RERE: variants seen among roughly 807,000 people sequenced by gnomAD.
RERE encodes arginine-glutamic acid dipeptide repeats protein.
RERE carries 40 observed loss-of-function variants against 146.1 expected under a neutral mutation model. The observed-to-expected ratio is 0.27, with a 90% CI of 0.21 to 0.36. The LOEUF (loss-of-function observed/expected upper bound fraction) is 0.36. Ranked by LOEUF, RERE falls within the 10% of genes least tolerant of loss-of-function variation. The pLI is 1.00. For missense variants in RERE, 1,933 were observed against 2,138.7 expected, an observed-to-expected ratio of 0.90 and a Z score of 1.90; for synonymous variants, 1,003 against 866.0, an observed-to-expected ratio of 1.16 and a Z score of -2.78.
At chr1:8,606,601 G>C (rs968660160) in intron 4 of RERE, among the ~76,000 whole-genome samples, 3 of 152,056 alleles carry the variant, frequency 2.0e-5, no homozygotes, top group East Asian at 1.9e-4. Flanking sequence ...AATGTCAATG[G>C]GATGAGGAGG....
intron 7 of RERE, among the ~76,000 whole-genome samples, chr1:8,526,341 C>T (rs1377950733): frequency 6.7e-6 from 1 of 148,752 alleles, no homozygotes; most frequent in African/African-American, 2.5e-5. Context: ...AAAGCAAGAT[C>T]ACCAAGAAAT....
intron 1 of RERE, among the ~76,000 whole-genome samples, chr1:8,776,061 TTA>T (rs1391504675): frequency 6.6e-6 from 1 of 152,206 alleles, no homozygotes; most frequent in Admixed American, 6.5e-5. Context: ...TGGTTAATAA[TTA>T]GTTTCATTAT....
intron 2 of RERE, among the ~76,000 whole-genome samples, chr1:8,636,083 G>C (rs1342316825): frequency 1.3e-5 from 2 of 152,168 alleles, no homozygotes; most frequent in East Asian, 3.9e-4. Flanking sequence ...CCGCCTCCCA[G>C]GTTCAAGTGA....
chr1:8,509,440 CCG>C (rs1438653447), intron 7 of RERE, among the ~76,000 whole-genome samples: 1 of 146,228 alleles, frequency 6.8e-6, no homozygotes, highest in Non-Finnish European at 1.5e-5. Flanking sequence ...ATCCATCCGT[CCG>C]TCCGTCCGTC....
intron 1 of RERE, among the ~76,000 whole-genome samples, chr1:8,781,073 C>A (rs921930321): frequency 2.0e-5 from 3 of 151,096 alleles, no homozygotes; most frequent in Non-Finnish European, 3.0e-5. Context: ...AAAAAAAATT[C>A]TCGGCCAGGC....
intron 11 of RERE, among the ~76,000 whole-genome samples, chr1:8,453,670 G>C (rs557432002): frequency 3.9e-4 from 59 of 152,218 alleles, no homozygotes; most frequent in African/African-American, 1.1e-3. Flanking sequence ...GCCGGGTGTG[G>C]TGACACACAC....
intron 1 of RERE, chr1:8,750,348 C>G: frequency 1.6e-6 from 1 of 612,578 alleles, no homozygotes; most frequent in South Asian, 1.9e-5. Flanking sequence ...ATGTAGAAAC[C>G]ATTCTGCCTC....
At chr1:8,701,186 A>G (rs1196698738) in intron 1 of RERE, among the ~76,000 whole-genome samples, 1 of 152,096 alleles carries the variant, frequency 6.6e-6, no homozygotes, top group Non-Finnish European at 1.5e-5. Context: ...CCTTACTGAT[A>G]CGTTGATGGG....
rs567320981 is a variant in RERE, at chr1:8,530,050, C to CCAT, written c.830+11161_830+11163dup. 2.4e-3 allele frequency among the ~76,000 whole-genome samples: 362 copies of CCAT among 152,240 alleles called. 2 individuals are homozygous for CCAT. The highest frequency in any genetic ancestry group is 8.3e-3 in the African/African-American group (345 of 41,524). ...CACTCCTGCCACCACATTTTCTAGC[C>CCAT]CATCGTTTGCCAGCCTGCAGGGATG... On this transcript the variant is annotated intron_variant, in intron 7 of 22. Coordinates refer to ENST00000400908, the MANE Select transcript of RERE (RefSeq NM_001042681.2).
intron 1 of RERE, among the ~76,000 whole-genome samples, chr1:8,767,823 A>C (rs888207680): frequency 1.3e-5 from 2 of 151,588 alleles, no homozygotes; most frequent in Non-Finnish European, 2.9e-5. Flanking sequence ...AAAATTAGCC[A>C]GGCATGGTGG....
At chr1:8,610,278 T>C (rs1292298325) in intron 4 of RERE, among the ~76,000 whole-genome samples, 10 of 152,226 alleles carry the variant, frequency 6.6e-5, no homozygotes, top group African/African-American at 2.4e-4. Flanking sequence ...AGAGACTTTA[T>C]GGATTTCAGA....
intron 8 of RERE, among the ~76,000 whole-genome samples, chr1:8,504,620 A>G (rs1645225991): frequency 1.3e-5 from 2 of 152,128 alleles, no homozygotes; most frequent in African/African-American, 4.8e-5. Context: ...TTGGGAGGCC[A>G]AGGCGGGTGT....
intron 12 of RERE, among the ~76,000 whole-genome samples, chr1:8,372,507 C>CGTGTGT (rs6143111): frequency 0.028 from 3,634 of 131,766 alleles, 85 homozygotes; most frequent in African/African-American, 0.049. Context: ...ACCATCAGGT[C>CGTGTGT]GTGTGTGTGT....
chr1:8,501,033 G>C (rs1207971215), intron 8 of RERE, among the ~76,000 whole-genome samples: 10 of 118,138 alleles, frequency 8.5e-5, no homozygotes, highest in South Asian at 2.6e-4. Flanking sequence ...CGTCCGGGAG[G>C]GGGGGGGGGG....
chr1:8,764,741 A>C lies in RERE; in HGVS notation c.-145+52419T>G, dbSNP rs555368942. Among the ~76,000 whole-genome samples, 3 of 152,348 alleles carry C rather than the reference A, an allele frequency of 2.0e-5. No individual in the cohort carries two copies. The East Asian group carries it at 5.8e-4, about 29-fold the overall frequency. ...AAAGGCTCCAAAAAAGCAAAGGGCC[A>C]GTAAGCACAAGACAGAGGCTCAACC... On this transcript the variant is annotated intron_variant, in intron 1 of 22. Coordinates refer to ENST00000400908, the MANE Select transcript of RERE (RefSeq NM_001042681.2).
intron 4 of RERE, among the ~76,000 whole-genome samples, chr1:8,614,246 T>C (rs1326717295): frequency 1.3e-5 from 2 of 152,096 alleles, no homozygotes; most frequent in East Asian, 1.9e-4. Context: ...ACTTACCCCC[T>C]TTTTTCCCCA....
At chr1:8,794,007 G>A (rs1448596613) in intron 1 of RERE, among the ~76,000 whole-genome samples, 1 of 151,668 alleles carries the variant, frequency 6.6e-6, no homozygotes, top group Non-Finnish European at 1.5e-5. Context: ...GGTGGAGGTT[G>A]CAGTGAGCCA....
chr1:8,433,498 G>A (rs528356038), intron 11 of RERE, among the ~76,000 whole-genome samples: 1 of 151,814 alleles, frequency 6.6e-6, no homozygotes, highest in South Asian at 2.1e-4. Context: ...AAGATTCTAT[G>A]GTAATTACAA....
At chr1:8,694,133 TCAGGCAA>T (rs957653302) in intron 1 of RERE, among the ~76,000 whole-genome samples, 1 of 149,902 alleles carries the variant, frequency 6.7e-6, no homozygotes, top group Admixed American at 6.7e-5. Flanking sequence ...GCCAGAGCAA[TCAGGCAA>T]CAGAAAGAAA....
Sources: gnomAD v4.1 joint callset for allele counts (sites outside exome capture counted in the v4.1 genomes callset) on GRCh38, gnomAD v4.1.1 for gene constraint, MANE v1.5 for transcripts, NCBI Gene and HGNC (gene_info 2026-07-23, HGNC 2026-07-21) for gene names.